Variants in VCAN observed in about 807,000 individuals in gnomAD.
VCAN encodes versican core protein.
Under a neutral mutation model 245.5 loss-of-function variants are expected in VCAN, and 44 were observed. The observed-to-expected ratio is 0.18, with a 90% CI of 0.14 to 0.23. The LOEUF (loss-of-function observed/expected upper bound fraction) is 0.23. VCAN is among the 10% of genes least tolerant of loss of function. The pLI is 1.00. For missense variants in VCAN, 3,793 were observed against 4,057.9 expected, an observed-to-expected ratio of 0.93 and a Z score of 1.77; for synonymous variants, 1,413 against 1,437.0, an observed-to-expected ratio of 0.98 and a Z score of 0.38.
intron 3 of VCAN, among the ~76,000 whole-genome samples, chr5:83,491,108 A>G (rs1744967281): frequency 6.6e-6 from 1 of 152,210 alleles, no homozygotes; most frequent in Admixed American, 6.5e-5. Flanking sequence ...TTATCCGTTA[A>G]GTATTGCAGT....
chr5:83,492,042 A>G (rs1479233138), intron 3 of VCAN, among the ~76,000 whole-genome samples: 2 of 151,794 alleles, frequency 1.3e-5, no homozygotes, highest in East Asian at 1.9e-4. Flanking sequence ...TTTTGGCAAA[A>G]TCTCCTATTT....
chr5:83,506,709 C>T (rs1027433767), intron 5 of VCAN, among the ~76,000 whole-genome samples: 1 of 152,108 alleles, frequency 6.6e-6, no homozygotes, highest in African/African-American at 2.4e-5. Context: ...TACCAATTTA[C>T]TGTATTAGTT....
chr5:83,485,331 G>A (rs1744757158), intron 2 of VCAN, among the ~76,000 whole-genome samples: 1 of 151,780 alleles, frequency 6.6e-6, no homozygotes, highest in South Asian at 2.1e-4. Context: ...TTGAACCCGG[G>A]AGGTGGAGGT....
intron 10 of VCAN, among the ~76,000 whole-genome samples, chr5:83,552,688 T>TG (rs971089568): frequency 8.2e-4 from 125 of 152,180 alleles, no homozygotes; most frequent in Middle Eastern, 3.4e-3. Context: ...CCTGGTGGAA[T>TG]GGGGGGGTGA....
chr5:83,520,403 T>A lies in VCAN; in HGVS notation c.2097T>A (p.Tyr699Ter). 1 of 1,613,438 alleles carries A rather than the reference T, an allele frequency of 6.2e-7. No individual in the cohort carries two copies. The highest frequency in any genetic ancestry group is 8.5e-7 in the Non-Finnish European group (1 of 1,179,876). The change falls in exon 7 of 15, where the codon TAT (tyrosine) becomes TAA (stop). Residue 699 changes from tyrosine to a stop codon, truncating the protein, a stop_gained. Coordinates refer to ENST00000265077, the MANE Select transcript of VCAN (RefSeq NM_004385.5). LOFTEE classifies it high-confidence loss of function. ...TACCAGAGATGAGAACAGATACTTATACAGATGAAATACAAGAAGAGATCA... is the reference window on the plus strand; with the variant it reads ...TACCAGAGATGAGAACAGATACTTAAACAGATGAAATACAAGAAGAGATCA... The part of the protein sequence containing the change: ...TLIPEMRTDT[Y>*]TDEIQEEITK...
intron 5 of VCAN, among the ~76,000 whole-genome samples, chr5:83,507,279 A>G (rs16900474): frequency 0.017 from 2,629 of 152,296 alleles, 75 homozygotes; most frequent in East Asian, 0.095. Context: ...GAAAGCAACT[A>G]TCCGTTAAAT....
chr5:83,506,447 CAA>C (rs1236765099), intron 5 of VCAN, among the ~76,000 whole-genome samples: 2 of 152,196 alleles, frequency 1.3e-5, no homozygotes, highest in Non-Finnish European at 2.9e-5. Context: ...TAAAACATAA[CAA>C]GAGTCACCTT....
rs1213940478 is a variant in VCAN at position 83,521,325 on chromosome 5, A to G, written c.3019A>G (p.Ile1007Val). Residue 1007 changes from isoleucine to valine, a missense_variant, in exon 7 of 15, where the codon ATT becomes GTT. Around this residue, in one of 5 missense-constraint regions of VCAN, gnomAD observed 3,182 missense variants for 3,250.3 expected, o/e 0.98. Transcript: ENST00000265077. ...LGEPSQDILV[I>V]DQTRLEATIS... ...TGAACCCTCTCAAGACATACTTGTC[A>G]TTGATCAGACTCGCCTTGAAGCGAC... The G allele has an allele frequency of 6.2e-6, 10 of 1,614,140 alleles. No individual in the cohort carries two copies. The highest frequency in any genetic ancestry group is 1.7e-5 in the Admixed American group (1 of 60,030).
At chr5:83,483,439 A>G in intron 1 of VCAN, 74 bp from the exon 2 acceptor site, 1 of 1,237,946 alleles carries the variant, frequency 8.1e-7, no homozygotes, top group Admixed American at 1.7e-5. Flanking sequence ...TACAATGCAC[A>G]AAAAGCATGT....
Position 83,541,774 on chromosome 5 carries a change from A to G in VCAN, c.8771A>G (p.Glu2924Gly). 2 of 1,614,100 alleles carry G rather than the reference A, an allele frequency of 1.2e-6. No individual in the cohort carries two copies. Among genetic ancestry groups the G allele is most frequent in the Non-Finnish European group, 1.7e-6 (2 of 1,180,002 alleles). The change falls in exon 8 of 15, where the codon GAA becomes GGA. Residue 2924 changes from glutamate to glycine, a missense_variant. Physicochemically the swap from Glu to Gly is moderately conservative, Grantham distance 98. Coordinates refer to ENST00000265077, the MANE Select transcript of VCAN (RefSeq NM_004385.5). ...TCTCCCACAGAACTTATTGCTGTGG[A>G]AGGAACTGAGATTCTCCAAGATTTC... Reference protein sequence around the residue: ...EASPTELIAVEGTEILQDFQN... With the variant: ...EASPTELIAVGGTEILQDFQN...
chr5:83,550,215 A>G (rs1385540297), intron 10 of VCAN, among the ~76,000 whole-genome samples: 1 of 152,210 alleles, frequency 6.6e-6, no homozygotes, highest in Non-Finnish European at 1.5e-5. Flanking sequence ...TTACCTGTAC[A>G]GCATCAAAAG....
intron 8 of VCAN, 44 bp from the exon 9 acceptor site, chr5:83,545,493 A>T: frequency 6.6e-7 from 1 of 1,523,966 alleles, no homozygotes; most frequent in African/African-American, 1.4e-5. Context: ...CGCAAACATT[A>T]GAGACGAGCC....
chr5:83,517,380 A>G (rs1199583891), intron 6 of VCAN, among the ~76,000 whole-genome samples: 1 of 152,174 alleles, frequency 6.6e-6, no homozygotes, highest in Non-Finnish European at 1.5e-5. Context: ...AGAGGGAAAA[A>G]GTAAATTTAG....
rs930573869 is a variant in VCAN at position 83,538,470 on chromosome 5, A to G, written c.5467A>G (p.Thr1823Ala). Reference protein sequence around the residue: ...HQPGVQEGLTTLPRSPASVFM... With the variant: ...HQPGVQEGLTALPRSPASVFM... Reference sequence around the variant, plus strand: ...ACCTGGGGTTCAGGAAGGGCTGACCACTCTCCCACGTAGTCCTGCCTCTGT... The same window carrying G: ...ACCTGGGGTTCAGGAAGGGCTGACCGCTCTCCCACGTAGTCCTGCCTCTGT... The change falls in exon 8 of 15, where the codon ACT (threonine) becomes GCT (alanine). Residue 1823 changes from threonine to alanine, a missense_variant. Thr to Ala is a moderately conservative substitution (Grantham distance 58). This residue lies in a region of VCAN where 3,182 missense variants were observed against 3,250.3 expected (regional missense o/e 0.98). Coordinates refer to ENST00000265077, the MANE Select transcript of VCAN (RefSeq NM_004385.5). 4.3e-6 allele frequency: 7 copies of G among 1,613,734 alleles called. No homozygotes were observed. Among genetic ancestry groups the G allele is most frequent in the Non-Finnish European group, 5.1e-6 (6 of 1,179,930 alleles).
At chr5:83,545,213 A>T in intron 8 of VCAN, 1 of 430,652 alleles carries the variant, frequency 2.3e-6, no homozygotes, top group Non-Finnish European at 4.3e-6. Context: ...ATGTGTAATC[A>T]TTTTTGACTA....
intron 12 of VCAN, 56 bp downstream of exon 12, chr5:83,555,094 G>A: frequency 6.4e-7 from 1 of 1,572,450 alleles, no homozygotes; most frequent in Non-Finnish European, 8.7e-7. Context: ...TTGGTACTGT[G>A]CACTGATTGT....
At chr5:83,501,922 C>G (rs11952408) in intron 5 of VCAN, among the ~76,000 whole-genome samples, 7,138 of 152,150 alleles carry the variant, frequency 0.047, 611 homozygotes, top group African/African-American at 0.16. Context: ...ATCTGTGAAC[C>G]TGAGATGTCT....
At chr5:83,477,188 A>G (rs994244044) in intron 1 of VCAN, among the ~76,000 whole-genome samples, 3 of 152,174 alleles carry the variant, frequency 2.0e-5, no homozygotes, top group East Asian at 3.8e-4. Flanking sequence ...AAACTATACA[A>G]AAAAGGGATG....
chr5:83,572,496 G>A lies in VCAN; in HGVS notation c.9816G>A (p.Glu3272=). The A allele has an allele frequency of 1.2e-6, 2 of 1,613,936 alleles. No individual in the cohort carries two copies. The highest frequency in any genetic ancestry group is 2.2e-5 in the South Asian group (2 of 91,084). Residue 3272 remains glutamate (E), a synonymous_variant, in exon 13 of 15, where the codon GAG becomes GAA. Coordinates refer to ENST00000265077, the MANE Select transcript of VCAN (RefSeq NM_004385.5). ...ACTGTGTTGTAATCATTTGGCATGAGAATGGCCAGTGGAATGATGTTCCCT... is the reference window on the plus strand; with the variant it reads ...ACTGTGTTGTAATCATTTGGCATGAAAATGGCCAGTGGAATGATGTTCCCT... ...GEDCVVIIWH[E]NGQWNDVPCN...
Sources: gnomAD v4.1 joint callset for allele counts (sites outside exome capture counted in the v4.1 genomes callset) on GRCh38, gnomAD v4.1.1 for gene constraint, gnomAD v4.1.1 regional missense constraint, MANE v1.5 for transcripts, NCBI Gene and HGNC (gene_info 2026-07-23, HGNC 2026-07-21) for gene names.